The following TAB2 variants were observed in gnomAD, a reference collection of about 807,000 sequenced individuals.
TAB2 encodes the protein TGF-beta-activated kinase 1 and MAP3K7-binding protein 2.
Under a neutral mutation model 65.0 loss-of-function variants are expected in TAB2, and 3 were observed. The observed-to-expected ratio is 0.05, with a 90% CI of 0.02 to 0.12. TAB2 has a LOEUF of 0.12. TAB2 is among the 10% of genes least tolerant of loss of function. TAB2 has a pLI of 1.00. For missense variants in TAB2, 623 were observed against 840.3 expected, an observed-to-expected ratio of 0.74 and a Z score of 3.20; for synonymous variants, 298 against 285.1, an observed-to-expected ratio of 1.05 and a Z score of -0.46.
chr6:149,380,938 C>G (rs6934491), intron 3 of TAB2, among the ~76,000 whole-genome samples: 7,571 of 152,188 alleles, frequency 0.05, 648 homozygotes, highest in African/African-American at 0.17. Context: ...ATTCCAGTAT[C>G]ATTCATGGAG....
intron 1 of TAB2, among the ~76,000 whole-genome samples, chr6:149,294,968 A>T (rs1022225717): frequency 5.3e-5 from 8 of 152,234 alleles, no homozygotes; most frequent in African/African-American, 1.9e-4. Flanking sequence ...ACACACAGGT[A>T]AAGAAAAAGA....
At chr6:149,275,225 G>GGAGA (rs36042716) in intron 1 of TAB2, among the ~76,000 whole-genome samples, 12,819 of 96,074 alleles carry the variant, frequency 0.13, 1,368 homozygotes, top group East Asian at 0.22. Flanking sequence ...GGGGGAGGGG[G>GGAGA]GAGAGAGAGA....
intron 6 of TAB2, among the ~76,000 whole-genome samples, 181 bp downstream of exon 6, chr6:149,399,365 G>A (rs1175675261): frequency 6.6e-6 from 1 of 152,144 alleles, no homozygotes; most frequent in Non-Finnish European, 1.5e-5. Flanking sequence ...AGGATGCAAA[G>A]ATGTAATATT....
Position 149,409,749 on chromosome 6 carries a change from C to T in TAB2, c.*30C>T, listed in dbSNP as rs752362410. ...AATGGCCCTGTATCTTCTCTAAAAC[C>T]ACATCTAAAGTTCAAGAAACTAGTC... is the stretch of plus-strand genomic sequence containing the variant. On this transcript the variant is annotated 3_prime_UTR_variant, in exon 7 of 7. Coordinates refer to ENST00000637181, the MANE Select transcript of TAB2 (RefSeq NM_001292034.3). 3.1e-6 allele frequency: 5 copies of T among 1,613,546 alleles called. No homozygotes were observed. The highest frequency in any genetic ancestry group is 2.2e-5 in the East Asian group (1 of 44,870).
intron 1 of TAB2, among the ~76,000 whole-genome samples, chr6:149,297,921 G>T (rs477088): frequency 0.44 from 66,185 of 151,916 alleles, 17,298 homozygotes; most frequent in African/African-American, 0.75. Context: ...TAGTATTTTT[G>T]CTGATTATAC....
chr6:149,350,158 G>GT (rs1233049391), intron 1 of TAB2, among the ~76,000 whole-genome samples: 1 of 151,882 alleles, frequency 6.6e-6, no homozygotes, highest in East Asian at 1.9e-4. Context: ...TCTCAAACCC[G>GT]TGACCTCAGG....
chr6:149,292,610 C>A (rs1270009092), intron 1 of TAB2, among the ~76,000 whole-genome samples: 8 of 152,056 alleles, frequency 5.3e-5, no homozygotes, highest in Non-Finnish European at 1.2e-4. Flanking sequence ...ATGCTGTTGA[C>A]AGGATTCAAA....
At chr6:149,272,745 A>G (rs777225919) in intron 1 of TAB2, among the ~76,000 whole-genome samples, 1 of 152,190 alleles carries the variant, frequency 6.6e-6, no homozygotes, top group Non-Finnish European at 1.5e-5. Flanking sequence ...TTAGGGAGAC[A>G]TTATTCTGCA....
chr6:149,407,143 C>G lies in TAB2; in HGVS notation c.1940-2434C>G, dbSNP rs568510735. On this transcript the variant is annotated intron_variant, in intron 6 of 6. Coordinates refer to ENST00000637181, the MANE Select transcript of TAB2 (RefSeq NM_001292034.3). Reference sequence around the variant, plus strand: ...GAGAGTGAGATTAGGGCATTTGACACAGTAAGCAAATGTTCAGAGACTAGA... The same window carrying G: ...GAGAGTGAGATTAGGGCATTTGACAGAGTAAGCAAATGTTCAGAGACTAGA... Among the ~76,000 whole-genome samples, 4 of 152,264 alleles carry G rather than the reference C, an allele frequency of 2.6e-5. No individual in the cohort carries two copies. In the South Asian group the frequency reaches 8.3e-4, roughly 32 times the overall value.
chr6:149,314,751 G>A (rs1779221033), upstream of TAB2, among the ~76,000 whole-genome samples: 1 of 152,072 alleles, frequency 6.6e-6, no homozygotes, highest in Non-Finnish European at 1.5e-5. Context: ...CTGGAAGTCT[G>A]AATTTTAATT....
chr6:149,306,371 T>TA (rs1325155945), intron 1 of TAB2, among the ~76,000 whole-genome samples: 11 of 151,404 alleles, frequency 7.3e-5, no homozygotes, highest in African/African-American at 2.7e-4. Context: ...AAACCCCGTC[T>TA]CCACTAAAAA....
chr6:149,392,635 A>G (rs1184463160), intron 3 of TAB2, among the ~76,000 whole-genome samples: 1 of 151,742 alleles, frequency 6.6e-6, no homozygotes, highest in Non-Finnish European at 1.5e-5. Flanking sequence ...AGCTTTCTCC[A>G]CTCCTTCATT....
At chr6:149,232,284 G>T in intron 1 of TAB2, among the ~76,000 whole-genome samples, 1 of 152,074 alleles carries the variant, frequency 6.6e-6, no homozygotes. Flanking sequence ...CTGGAGTGCA[G>T]TGGCACCATC....
intron 6 of TAB2, among the ~76,000 whole-genome samples, chr6:149,403,752 T>C (rs1173191683): frequency 6.6e-6 from 1 of 151,918 alleles, no homozygotes; most frequent in Non-Finnish European, 1.5e-5. Context: ...AGCAGAGGCA[T>C]GTCATATGGT....
At chr6:149,252,187 A>AC (rs2114655934) in intron 1 of TAB2, among the ~76,000 whole-genome samples, 1 of 152,160 alleles carries the variant, frequency 6.6e-6, no homozygotes, top group Admixed American at 6.5e-5. Flanking sequence ...CGGGTGGATC[A>AC]CCTAAGGTCA....
At chr6:149,312,080 G>A (rs374201850) in intron 1 of TAB2, among the ~76,000 whole-genome samples, 9 of 152,274 alleles carry the variant, frequency 5.9e-5, no homozygotes, top group East Asian at 5.8e-4. Context: ...TAGTCCTGGC[G>A]CAAAGGGTAA....
At chr6:149,402,772 T>C (rs1362132335) in intron 6 of TAB2, among the ~76,000 whole-genome samples, 1 of 152,146 alleles carries the variant, frequency 6.6e-6, no homozygotes. Context: ...AAAAGGACCA[T>C]ACGCCATGAC....
At chr6:149,377,006 A>C (rs1781420455) in intron 2 of TAB2, among the ~76,000 whole-genome samples, 1 of 151,310 alleles carries the variant, frequency 6.6e-6, no homozygotes, top group Non-Finnish European at 1.5e-5. Context: ...GTTAAGAGGA[A>C]GCGTGTGAAG....
chr6:149,237,536 G>T (rs1309060094), intron 1 of TAB2, among the ~76,000 whole-genome samples: 1 of 152,188 alleles, frequency 6.6e-6, no homozygotes, highest in Admixed American at 6.5e-5. Flanking sequence ...CTTTCCATGC[G>T]TAAGTGGAGA....
Sources: gnomAD v4.1 joint callset for allele counts (sites outside exome capture counted in the v4.1 genomes callset) on GRCh38, gnomAD v4.1.1 for gene constraint, MANE v1.5 for transcripts, NCBI Gene and HGNC (gene_info 2026-07-23, HGNC 2026-07-21) for gene names.